Variants in MPHOSPH8 observed in about 807,000 individuals in gnomAD.
MPHOSPH8 encodes the protein M-phase phosphoprotein, mpp.
Under a neutral mutation model 87.3 loss-of-function variants are expected in MPHOSPH8, and 45 were observed. That is an observed-to-expected ratio of 0.52 (90% CI 0.41 to 0.66). The LOEUF (loss-of-function observed/expected upper bound fraction) is 0.66, where lower values mean the gene tolerates loss of function less well. Ranked by LOEUF, MPHOSPH8 falls within the 30% of genes least tolerant of loss-of-function variation. The pLI is 0.00. For missense variants in MPHOSPH8, 883 were observed against 1,020.2 expected (o/e 0.87, Z 1.83); for synonymous variants, 366 against 376.9 (o/e 0.97, Z 0.33).
chr13:19,654,177 A>G (rs970059324), intron 5 of MPHOSPH8, among the ~76,000 whole-genome samples: 1 of 152,246 alleles, frequency 6.6e-6, no homozygotes, highest in African/African-American at 2.4e-5. Context: ...TTACCCACAA[A>G]GGGAAGCCTG....
At chr13:19,637,917 T>C (rs1305321606) in intron 1 of MPHOSPH8, among the ~76,000 whole-genome samples, 1 of 151,598 alleles carries the variant, frequency 6.6e-6, no homozygotes, top group African/African-American at 2.4e-5. Context: ...CTGGCTAACA[T>C]GGTGAAACCC....
chr13:19,648,185 A>G (rs2137513362), intron 3 of MPHOSPH8, among the ~76,000 whole-genome samples: 1 of 151,968 alleles, frequency 6.6e-6, no homozygotes, highest in South Asian at 2.1e-4. Context: ...TAAAATTCCT[A>G]AAAGAGGGTT....
At chr13:19,648,570 C>G (rs780690984) in intron 4 of MPHOSPH8, 49 bp downstream of exon 4, 1 of 851,338 alleles carries the variant, frequency 1.2e-6, no homozygotes, top group Admixed American at 3.9e-5. Context: ...ATCTTTTATA[C>G]AAATAACCAG....
chr13:19,650,296 T>C (rs1451731689), intron 5 of MPHOSPH8, 36 bp downstream of exon 5: 1 of 1,592,354 alleles, frequency 6.3e-7, no homozygotes, highest in East Asian at 2.2e-5. Flanking sequence ...TTTTTCAAGG[T>C]AGTGCACCAT....
chr13:19,663,003 T>C, intron 8 of MPHOSPH8, 37 bp from the exon 9 acceptor site: 1 of 1,497,256 alleles, frequency 6.7e-7, no homozygotes, highest in Non-Finnish European at 9.3e-7. Flanking sequence ...TTTTAAATAA[T>C]TTGGGAAATT....
At position 19,668,511 on chromosome 13, in the gene MPHOSPH8, C is replaced by T. The variant is rs773165222; in HGVS notation, c.2309C>T (p.Pro770Leu). 23 of 1,613,890 alleles carry T rather than the reference C, an allele frequency of 1.4e-5. No homozygotes were observed. The highest frequency in any genetic ancestry group is 1.9e-5 in the Non-Finnish European group (22 of 1,179,988). The change falls in exon 11 of 14, where the codon CCC becomes CTC. Residue 770 changes from proline to leucine, a missense_variant. Pro to Leu is a moderately conservative substitution (Grantham distance 98). Coordinates refer to ENST00000361479, the MANE Select transcript of MPHOSPH8 (RefSeq NM_017520.4). ...TTTTCAACAGATTTCAATTACAAAC[C>T]CCCACAGAACATACCAGAAGGTAAG... ...PDFSTDFNYK[P>L]PQNIPEGSGI...
In MPHOSPH8 at chr13:19,659,096, G is replaced by T; in HGVS notation, c.1678G>T (p.Ala560Ser). 1 of 1,614,100 alleles carries T rather than the reference G, an allele frequency of 6.2e-7. No homozygotes were observed. ...KHLDGKDENFAATDAIPSNVL... is the reference protein window; with the variant it reads ...KHLDGKDENFSATDAIPSNVL... ...CCTTGATGGGAAAGATGAGAATTTT[G>T]CTGCAACAGATGCAATTCCAAGTAG... Residue 560 changes from alanine to serine, a missense_variant, in exon 6 of 14, where the codon GCT (alanine) becomes TCT (serine). Physicochemically the swap from Ala to Ser is moderately conservative, Grantham distance 99. Coordinates refer to ENST00000361479, the MANE Select transcript of MPHOSPH8 (RefSeq NM_017520.4).
At chr13:19,640,543 T>C (rs1874230349) in intron 1 of MPHOSPH8, among the ~76,000 whole-genome samples, 1 of 143,610 alleles carries the variant, frequency 7.0e-6, no homozygotes, top group African/African-American at 2.5e-5. Flanking sequence ...ATGGCTTGCC[T>C]TTTTTTTTTT....
Position 19,659,303 on chromosome 13 carries a change from G to GA in MPHOSPH8, c.1791+19dup, listed in dbSNP as rs779518537. 6.4e-7 allele frequency: 1 copy of GA among 1,558,068 alleles called. No individual in the cohort carries two copies. Among genetic ancestry groups the GA allele is most frequent in the South Asian group, 1.2e-5 (1 of 86,340 alleles). ...CTGGACCAAGAGGTAATATGTCGTT[G>GA]AAAAATCTCATGAAAGGAAAATGGA... On this transcript the variant is annotated intron_variant, in intron 7 of 13. Transcript: ENST00000361479.
intron 9 of MPHOSPH8, among the ~76,000 whole-genome samples, chr13:19,664,875 G>A (rs1478815528): frequency 6.6e-6 from 1 of 152,138 alleles, no homozygotes; most frequent in Non-Finnish European, 1.5e-5. Context: ...AGTGACCGTA[G>A]CCATAGGTTG....
intron 13 of MPHOSPH8, 111 bp downstream of exon 13, chr13:19,671,400 C>A: frequency 1.1e-6 from 1 of 882,852 alleles, no homozygotes; most frequent in South Asian, 1.5e-5. Flanking sequence ...GTCCTAGAGA[C>A]AGGCACTCCC....
rs140084511 is a variant in MPHOSPH8 at position 19,673,397 on chromosome 13, A to T, written c.*1522A>T. 597 of 246,300 alleles carry T rather than the reference A, an allele frequency of 2.4e-3. 6 individuals carry two copies. Among genetic ancestry groups the T allele is most frequent in the African/African-American group, 0.012 (553 of 44,630 alleles). The allele number at this position is 246,300 out of a possible 1,614,324, so 15.3% of individuals were successfully genotyped here. On this transcript the variant is annotated 3_prime_UTR_variant, in exon 14 of 14. Transcript: ENST00000361479. The stretch of plus-strand genomic sequence containing the variant: ...AGAACCATTTTTACTTTACATCCTA[A>T]AACTGCCTTTTCCTATGGTTTTGTC...
At position 19,667,169 on chromosome 13, in the gene MPHOSPH8, C is replaced by T. The variant is rs371674723; in HGVS notation, c.2174+590C>T. 3.3e-5 allele frequency among the ~76,000 whole-genome samples: 5 copies of T among 151,954 alleles called. No individual in the cohort carries two copies. In the East Asian group the frequency reaches 5.8e-4, roughly 18 times the overall value. On this transcript the variant is annotated intron_variant, in intron 10 of 13. Transcript: ENST00000361479. ...AGAGCAACACTCTGTTTCCGCCCCCCACCACCAAAAAAAGAAAGAAACTTT... is the reference window on the plus strand; with the variant it reads ...AGAGCAACACTCTGTTTCCGCCCCCTACCACCAAAAAAAGAAAGAAACTTT...
In MPHOSPH8 at chr13:19,668,462, C is replaced by T. The variant is rs1875939627; in HGVS notation, c.2260C>T (p.His754Tyr). The T allele has an allele frequency of 1.2e-6, 2 of 1,613,892 alleles. No individual in the cohort carries two copies. The highest frequency in any genetic ancestry group is 8.5e-7 in the Non-Finnish European group (1 of 1,179,916). The change falls in exon 11 of 14, where the codon CAT becomes TAT. Residue 754 changes from histidine to tyrosine, a missense_variant. This residue lies in a region of MPHOSPH8 where 741 missense variants were observed against 841.5 expected (regional missense o/e 0.88). Transcript: ENST00000361479. ...LLEPVFPIAC[H>Y]RLCEGPDFST... ...AGAACCAGTTTTTCCAATCGCATGT[C>T]ATCGACTCTGTGAGGGTCCAGATTT...
At chr13:19,649,864 A>G in intron 4 of MPHOSPH8, 139 bp from the exon 5 acceptor site, 1 of 774,758 alleles carries the variant, frequency 1.3e-6, no homozygotes, top group Admixed American at 3.0e-5. Context: ...AGTAAATCAG[A>G]CCAGGCTTTA....
chr13:19,642,332 C>T (rs1874339963), intron 2 of MPHOSPH8, 62 bp downstream of exon 2: 2 of 1,333,370 alleles, frequency 1.5e-6, no homozygotes, highest in Admixed American at 2.5e-5. Flanking sequence ...TTTTAACTCT[C>T]AAAGTATGTG....
chr13:19,673,277 G>A lies in MPHOSPH8; in HGVS notation c.*1402G>A. 1 of 369,210 alleles carries A rather than the reference G, an allele frequency of 2.7e-6. No homozygotes were observed. The allele number at this position is 369,210 out of a possible 1,614,324, so 22.9% of individuals were successfully genotyped here. ...CAAGCTCAGTCTGGGTTATGGAGAAGTTGAAAATTGTTTTGTTCCTCATTA... is the reference window on the plus strand; with the variant it reads ...CAAGCTCAGTCTGGGTTATGGAGAAATTGAAAATTGTTTTGTTCCTCATTA... On this transcript the variant is annotated 3_prime_UTR_variant, in exon 14 of 14. Coordinates refer to ENST00000361479, the MANE Select transcript of MPHOSPH8 (RefSeq NM_017520.4).
At chr13:19,670,896 T>C in intron 12 of MPHOSPH8, 1 of 1,024,810 alleles carries the variant, frequency 9.8e-7, no homozygotes, top group African/African-American at 1.6e-5. Context: ...TACAGCTCAC[T>C]GGAGTCTTGA....
At chr13:19,671,795 T>G in intron 13 of MPHOSPH8, 39 bp from the exon 14 acceptor site, 1 of 1,599,756 alleles carries the variant, frequency 6.3e-7, no homozygotes, top group Non-Finnish European at 8.5e-7. Context: ...AGGGGAAATC[T>G]GGATCTGTAC....
Sources: allele counts gnomAD v4.1 joint callset (sites outside exome capture counted in the v4.1 genomes callset), GRCh38; gene constraint gnomAD v4.1.1; regional missense constraint gnomAD v4.1.1; transcripts MANE v1.5; gene names NCBI Gene and HGNC (gene_info 2026-07-23, HGNC 2026-07-21).